The following AJAP1 variants were observed in gnomAD, a reference collection of about 807,000 sequenced individuals.
The protein encoded by AJAP1 is adherens junctions associated protein 1.
A neutral mutation model predicts 35.0 loss-of-function variants in AJAP1; 5 were observed. That is an observed-to-expected ratio of 0.14 (90% CI 0.07 to 0.30). The LOEUF (loss-of-function observed/expected upper bound fraction) is 0.30, where lower values mean the gene tolerates loss of function less well. Ranked by LOEUF, AJAP1 falls within the 10% of genes least tolerant of loss-of-function variation. The pLI, the probability that AJAP1 is intolerant of heterozygous loss-of-function variation, is 1.00. For synonymous variants in AJAP1, 284 were observed against 249.3 expected (o/e 1.14, Z -1.31); for missense variants, 586 against 571.0 (o/e 1.03, Z -0.27).
At chr1:4,763,064 G>A (rs1220102034) in intron 2 of AJAP1, among the ~76,000 whole-genome samples, 1 of 152,170 alleles carries the variant, frequency 6.6e-6, no homozygotes, top group Non-Finnish European at 1.5e-5. Context: ...AGGCACACTG[G>A]GGGTGACCCT....
chr1:4,735,859 C>G (rs1640909544), intron 2 of AJAP1, among the ~76,000 whole-genome samples: 1 of 152,254 alleles, frequency 6.6e-6, no homozygotes, highest in Non-Finnish European at 1.5e-5. Flanking sequence ...CCCTGTGTCA[C>G]TGCAGCTCAG....
At chr1:4,679,026 G>T (rs1337017762) in intron 1 of AJAP1, among the ~76,000 whole-genome samples, 1 of 152,164 alleles carries the variant, frequency 6.6e-6, no homozygotes, top group Non-Finnish European at 1.5e-5. Flanking sequence ...GCACAATCAG[G>T]TGCACCTGCC....
At position 4,688,315 on chromosome 1, in the gene AJAP1, G is replaced by GGA. The variant is rs1639656073; in HGVS notation, c.30-23576_30-23575dup. ...TCATCCAAGAGAGACAGTGAGAGAG[G>GGA]GAGAGAGAGACTGAAGTCCTCAGGT... On this transcript the variant is annotated intron_variant, in intron 1 of 5. Coordinates refer to ENST00000378191, the MANE Select transcript of AJAP1 (RefSeq NM_018836.4). Among the ~76,000 whole-genome samples, 5 of 152,268 alleles carry GGA rather than the reference G, an allele frequency of 3.3e-5. No individual in the cohort carries two copies. In the East Asian group the frequency reaches 9.7e-4, roughly 29 times the overall value.
chr1:4,703,246 C>G (rs1031119803), intron 1 of AJAP1, among the ~76,000 whole-genome samples: 6 of 152,124 alleles, frequency 3.9e-5, no homozygotes, highest in African/African-American at 1.4e-4. Flanking sequence ...GAAATTGAAC[C>G]AGGGACTGCA....
intron 2 of AJAP1, among the ~76,000 whole-genome samples, chr1:4,767,227 TCAC>T (rs903913177): frequency 3.3e-5 from 5 of 152,134 alleles, no homozygotes; most frequent in Non-Finnish European, 7.4e-5. Flanking sequence ...AGCATCACCT[TCAC>T]CATCATCACC....
chr1:4,700,432 C>G lies in AJAP1; in HGVS notation c.30-11468C>G, dbSNP rs76567602. 5.3e-4 allele frequency among the ~76,000 whole-genome samples: 81 copies of G among 152,270 alleles called. No individual in the cohort carries two copies. In the East Asian group the frequency reaches 0.014, roughly 27 times the overall value. On this transcript the variant is annotated intron_variant, in intron 1 of 5. Transcript: ENST00000378191. Reference sequence around the variant, plus strand: ...GCATTTTCTGAACTCCCTCCTCCCCCACCCCAGAGGATCCTCATGTGAGGC... The same window carrying G: ...GCATTTTCTGAACTCCCTCCTCCCCGACCCCAGAGGATCCTCATGTGAGGC...
intron 1 of AJAP1, among the ~76,000 whole-genome samples, chr1:4,669,926 A>G (rs968222082): frequency 1.3e-5 from 2 of 152,190 alleles, no homozygotes; most frequent in East Asian, 1.9e-4. Flanking sequence ...TTTGAGGGAC[A>G]TACCTAGGCA....
At chr1:4,767,255 A>G (rs1340799661) in intron 2 of AJAP1, among the ~76,000 whole-genome samples, 2 of 147,596 alleles carry the variant, frequency 1.4e-5, no homozygotes, top group African/African-American at 5.0e-5. Flanking sequence ...CCATTATCAT[A>G]TCACTATCAT....
chr1:4,750,457 C>A (rs2100331519), intron 2 of AJAP1, among the ~76,000 whole-genome samples: 1 of 152,278 alleles, frequency 6.6e-6, no homozygotes, highest in South Asian at 2.1e-4. Flanking sequence ...GGCTTGTGAG[C>A]CTGAAGTGAA....
chr1:4,704,326 G>T (rs957012872), intron 1 of AJAP1, among the ~76,000 whole-genome samples: 1 of 114,798 alleles, frequency 8.7e-6, no homozygotes, highest in African/African-American at 3.6e-5. Context: ...CCCCACAACG[G>T]TGCCCAGAGT....
rs1402924809 is a variant in AJAP1 at position 4,783,531 on chromosome 1, A to C, written c.*1046A>C. 6.9e-6 allele frequency: 1 copy of C among 145,144 alleles called. No homozygotes were observed. The highest frequency in any genetic ancestry group is 1.5e-5 in the Non-Finnish European group (1 of 66,690). 9.0% of individuals were successfully genotyped at this position (145,144 alleles called of 1,614,324 possible). On this transcript the variant is annotated 3_prime_UTR_variant, in exon 6 of 6. Coordinates refer to ENST00000378191, the MANE Select transcript of AJAP1 (RefSeq NM_018836.4). ...TATATGTTTGTGTGTGTATATATAT[A>C]TATATATATATATGTTTGTGTGTGT... is the stretch of plus-strand genomic sequence containing the variant.
At chr1:4,729,203 C>A (rs1293621008) in intron 2 of AJAP1, among the ~76,000 whole-genome samples, 2 of 152,244 alleles carry the variant, frequency 1.3e-5, no homozygotes, top group Non-Finnish European at 2.9e-5. Context: ...GGCCCAGCCT[C>A]ACAGCCCGGG....
At chr1:4,697,754 C>T (rs1639899561) in intron 1 of AJAP1, among the ~76,000 whole-genome samples, 1 of 152,232 alleles carries the variant, frequency 6.6e-6, no homozygotes, top group South Asian at 2.1e-4. Context: ...AAGATGGTCC[C>T]AGGACGACCT....
chr1:4,748,770 AAAAAG>A (rs1383057649), intron 2 of AJAP1, among the ~76,000 whole-genome samples: 2 of 151,088 alleles, frequency 1.3e-5, no homozygotes, highest in Non-Finnish European at 2.9e-5. Flanking sequence ...AAAAAAAAAA[AAAAAG>A]AATGGAACCA....
chr1:4,735,171 G>A (rs767278066), intron 2 of AJAP1, among the ~76,000 whole-genome samples: 3 of 152,244 alleles, frequency 2.0e-5, no homozygotes, highest in Non-Finnish European at 2.9e-5. Flanking sequence ...GCCACAGCAC[G>A]CAAGGCATGG....
At chr1:4,748,011 A>C (rs1641230209) in intron 2 of AJAP1, among the ~76,000 whole-genome samples, 1 of 149,502 alleles carries the variant, frequency 6.7e-6, no homozygotes, top group Non-Finnish European at 1.5e-5. Context: ...AAAACAAAGC[A>C]AAAAAACCCT....
At position 4,750,580 on chromosome 1, in the gene AJAP1, A is replaced by G. The variant is rs3753715; in HGVS notation, c.830-19273A>G. ...AGGTGAGGTGTGCTGGGATGGGCAC[A>G]GTTACAGACAGAGCAGTGCCCTCTG... is the stretch of plus-strand genomic sequence containing the variant. On this transcript the variant is annotated intron_variant, in intron 2 of 5. Coordinates refer to ENST00000378191, the MANE Select transcript of AJAP1 (RefSeq NM_018836.4). Among the ~76,000 whole-genome samples the G allele has an allele frequency of 1.7e-4, 25 of 151,364 alleles. No homozygotes were observed. In the East Asian group the frequency reaches 4.9e-3, roughly 30 times the overall value.
At chr1:4,737,146 C>A (rs1332513882) in intron 2 of AJAP1, among the ~76,000 whole-genome samples, 1 of 152,130 alleles carries the variant, frequency 6.6e-6, no homozygotes, top group Non-Finnish European at 1.5e-5. Context: ...GCGTCCTTTC[C>A]CTGCCTGCAG....
chr1:4,788,121 A>C lies in AJAP1; in HGVS notation c.*5636A>C. 4.7e-6 allele frequency: 1 copy of C among 212,188 alleles called. No individual in the cohort carries two copies. The highest frequency in any genetic ancestry group is 5.9e-5 in the Admixed American group (1 of 16,872). The allele number at this position is 212,188 out of a possible 1,614,324, so 13.1% of individuals were successfully genotyped here. A position where few individuals can be genotyped will look rare whatever the true frequency, so the allele number is the denominator to read the frequency against. On this transcript the variant is annotated 3_prime_UTR_variant, in exon 6 of 6. Transcript: ENST00000378191. ...TACATTGATGTGCCGCCTGCTAGGA[A>C]GATAAACTCCCTCTTTGCTCACTCT...
Sources: allele counts gnomAD v4.1 joint callset (sites outside exome capture counted in the v4.1 genomes callset), GRCh38; gene constraint gnomAD v4.1.1; transcripts MANE v1.5; gene names NCBI Gene and HGNC (gene_info 2026-07-23, HGNC 2026-07-21).